The following JOSD1 variants were observed in gnomAD, a reference collection of about 807,000 sequenced individuals.
The protein encoded by JOSD1 is Josephin domain containing 1.
Under a neutral mutation model 24.3 loss-of-function variants are expected in JOSD1, and 11 were observed. The ratio of observed to expected loss-of-function variants is 0.45; its 90% CI spans 0.29 to 0.75. JOSD1 has a LOEUF of 0.75. JOSD1 is among the 30% of genes least tolerant of loss of function. The pLI is 0.11. For missense variants in JOSD1, 184 were observed against 253.5 expected, an observed-to-expected ratio of 0.73 and a Z score of 1.86; for synonymous variants, 106 against 93.8, an observed-to-expected ratio of 1.13 and a Z score of -0.75.
intron 2 of JOSD1, among the ~76,000 whole-genome samples, chr22:38,690,786 TGAG>T (rs1484818500): frequency 6.6e-6 from 1 of 151,948 alleles, no homozygotes; most frequent in East Asian, 1.9e-4. Context: ...TCTGGGAGGC[TGAG>T]GTGGGCAGAT....
At chr22:38,701,064 A>T (rs2092568460), upstream of JOSD1, 2 of 842,006 alleles carry the variant, frequency 2.4e-6, no homozygotes, top group African/African-American at 3.7e-5. Context: ...GCCTGACGTA[A>T]GTCTGACGTC....
chr22:38,693,168 G>A (rs1421861879), intron 2 of JOSD1, among the ~76,000 whole-genome samples: 1 of 152,140 alleles, frequency 6.6e-6, no homozygotes, highest in African/African-American at 2.4e-5. Context: ...TCAAGGAAAG[G>A]GGATTATAAA....
chr22:38,694,563 T>C (rs2092536583), intron 2 of JOSD1, among the ~76,000 whole-genome samples: 1 of 152,030 alleles, frequency 6.6e-6, no homozygotes. Context: ...TGTGAAGTGA[T>C]GTAAAAGTGA....
chr22:38,694,501 A>G (rs148112999), intron 2 of JOSD1, among the ~76,000 whole-genome samples: 1 of 152,308 alleles, frequency 6.6e-6, no homozygotes, highest in Non-Finnish European at 1.5e-5. Flanking sequence ...TCTGGGCTAC[A>G]AAGTGAGCCT....
chr22:38,700,647 C>T (rs1216942251), intron 1 of JOSD1, 29 bp from the exon 2 acceptor site: 2 of 983,730 alleles, frequency 2.0e-6, no homozygotes, highest in African/African-American at 1.7e-5. Flanking sequence ...CTCCGGTCAG[C>T]GGCGAGCGGG....
At chr22:38,698,442 GT>G (rs2047795163) in intron 2 of JOSD1, among the ~76,000 whole-genome samples, 1 of 152,182 alleles carries the variant, frequency 6.6e-6, no homozygotes, top group Admixed American at 6.5e-5. Flanking sequence ...CCATACCTGT[GT>G]TTTACAAATC....
chr22:38,699,962 T>C lies in JOSD1; in HGVS notation c.26A>G (p.Asp9Gly). The change falls in exon 2 of 5, where the codon GAC becomes GGC. Residue 9 changes from aspartate (D) to glycine (G), a missense_variant. Asp to Gly is a moderately conservative substitution (Grantham distance 94). Transcript: ENST00000683374. The part of the protein sequence containing the change: MSCVPWKG[D>G]KAKSESLELP... ...CTCCAATGATTCAGATTTGGCCTTG[T>C]CTCCTTTCCATGGCACACAACTCAT... 1 of 1,610,856 alleles carries C rather than the reference T, an allele frequency of 6.2e-7. No individual in the cohort carries two copies. Among genetic ancestry groups the C allele is most frequent in the Middle Eastern group, 1.7e-4 (1 of 6,046 alleles).
Position 38,687,007 on chromosome 22 carries a change from G to A in JOSD1, c.*895C>T, listed in dbSNP as rs1461929739. On this transcript the variant is annotated 3_prime_UTR_variant, in exon 5 of 5. Transcript: ENST00000683374. ...TCAGTATCCTCCTCACTTCATACTA[G>A]AATATTAGTTAATTTTTCATTATAA... 6.6e-6 allele frequency: 1 copy of A among 152,192 alleles called. No homozygotes were observed. The highest frequency in any genetic ancestry group is 3.1e-3 in the Middle Eastern group (1 of 318). The allele number at this position is 152,192 out of a possible 1,614,324, so 9.4% of individuals were successfully genotyped here.
intron 2 of JOSD1, among the ~76,000 whole-genome samples, chr22:38,693,030 T>C (rs1366204643): frequency 6.6e-6 from 1 of 152,080 alleles, no homozygotes; most frequent in African/African-American, 2.4e-5. Flanking sequence ...GGAGATGCCA[T>C]TTCCATGTTC....
intron 2 of JOSD1, among the ~76,000 whole-genome samples, chr22:38,694,295 C>T (rs1222398972): frequency 1.3e-5 from 2 of 152,194 alleles, no homozygotes; most frequent in African/African-American, 2.4e-5. Flanking sequence ...TGGTGACTTG[C>T]ACAGTCAGGC....
Position 38,700,409 on chromosome 22 carries a change from T to C in JOSD1, c.-422A>G. 1.0e-6 allele frequency: 1 copy of C among 988,358 alleles called. No homozygotes were observed. Among genetic ancestry groups the C allele is most frequent in the Non-Finnish European group, 1.2e-6 (1 of 831,790 alleles). 61.2% of individuals were successfully genotyped at this position (988,358 alleles called of 1,614,324 possible). ...ACATCGCTCCTTTTCTTCCATTTCT[T>C]TTGAACCACGACGCCAATGACTCGG... is the stretch of plus-strand genomic sequence containing the variant. On this transcript the variant is annotated 5_prime_UTR_variant, in exon 2 of 5. Coordinates refer to ENST00000683374, the MANE Select transcript of JOSD1 (RefSeq NM_001360236.2).
intron 2 of JOSD1, among the ~76,000 whole-genome samples, chr22:38,690,999 A>C (rs1435037605): frequency 6.6e-6 from 1 of 152,150 alleles, no homozygotes; most frequent in African/African-American, 2.4e-5. Context: ...GGATGTCACC[A>C]CTGCATCCAG....
chr22:38,688,862 A>G (rs2092509479), intron 4 of JOSD1, 73 bp downstream of exon 4: 7 of 1,312,498 alleles, frequency 5.3e-6, no homozygotes, highest in African/African-American at 1.5e-5. Flanking sequence ...TCAAATAACC[A>G]GAGATGAGCT....
chr22:38,699,864 T>C lies in JOSD1; in HGVS notation c.124A>G (p.Asn42Asp), dbSNP rs749739714. Residue 42 changes from asparagine to aspartate, a missense_variant, in exon 2 of 5, where the codon AAT (asparagine) becomes GAT (aspartate). Asn to Asp is a conservative substitution (Grantham distance 23). Transcript: ENST00000683374. The stretch of plus-strand genomic sequence containing the variant: ...GCATTGCTGTCCTGGAAGACGTTAT[T>C]GAGGGCGTGGAGGGCACAAAGCTCC... ...RRELCALHAL[N>D]NVFQDSNAFT... is the part of the protein sequence containing the mutation. 2.5e-6 allele frequency: 4 copies of C among 1,614,194 alleles called. No homozygotes were observed.
At chr22:38,691,937 G>A (rs747219948) in intron 2 of JOSD1, among the ~76,000 whole-genome samples, 1 of 152,240 alleles carries the variant, frequency 6.6e-6, no homozygotes, top group African/African-American at 2.4e-5. Context: ...GGGGCCTAAA[G>A]AGTGCCTGGC....
chr22:38,696,404 TTTTTG>T (rs2092546481), intron 2 of JOSD1, among the ~76,000 whole-genome samples: 1 of 151,898 alleles, frequency 6.6e-6, no homozygotes, highest in Non-Finnish European at 1.5e-5. Context: ...CCCCAGCTAA[TTTTTG>T]TTTTTTTTAA....
At chr22:38,692,308 T>C (rs985223224) in intron 2 of JOSD1, among the ~76,000 whole-genome samples, 1 of 152,196 alleles carries the variant, frequency 6.6e-6, no homozygotes, top group Admixed American at 6.5e-5. Context: ...GATTCCACTG[T>C]GGATTCATTT....
rs933913305 is a variant in JOSD1 at position 38,700,242 on chromosome 22, T to C, written c.-255A>G. The C allele has an allele frequency of 4.5e-5, 53 of 1,166,378 alleles. No individual in the cohort carries two copies. In the South Asian group the frequency reaches 1.2e-3, roughly 27 times the overall value. 72.3% of individuals were successfully genotyped at this position (1,166,378 alleles called of 1,614,324 possible). On this transcript the variant is annotated 5_prime_UTR_variant, in exon 2 of 5. Coordinates refer to ENST00000683374, the MANE Select transcript of JOSD1 (RefSeq NM_001360236.2). ...GCTACCACTGTCAAAGTGCAGAATT[T>C]AAAAAAACACATAAAATGTAAGACC...
intron 2 of JOSD1, among the ~76,000 whole-genome samples, chr22:38,690,078 T>C (rs1482867971): frequency 6.6e-6 from 1 of 152,236 alleles, no homozygotes; most frequent in Non-Finnish European, 1.5e-5. Context: ...CAGGTTTCTT[T>C]AGCCAGTCTG....
Sources: gnomAD v4.1 joint callset for allele counts (sites outside exome capture counted in the v4.1 genomes callset) on GRCh38, gnomAD v4.1.1 for gene constraint, MANE v1.5 for transcripts, NCBI Gene and HGNC (gene_info 2026-07-23, HGNC 2026-07-21) for gene names.